NIM1K: variants seen among roughly 807,000 people sequenced by gnomAD.
NIM1K encodes NIM1 serine/threonine protein kinase, also known as serine/threonine-protein kinase NIM1.
A neutral mutation model predicts 37.1 loss-of-function variants in NIM1K; 35 were observed. The ratio of observed to expected loss-of-function variants is 0.94; its 90% CI spans 0.72 to 1.25. The LOEUF is 1.25. Among genes scored for constraint, NIM1K ranks in the 50% most tolerant of loss-of-function variants. The probability of loss-of-function intolerance (pLI) is 0.00; values close to 1 mark genes in which losing one functional copy is unlikely to be tolerated. For synonymous variants in NIM1K, 234 were observed against 206.6 expected, an observed-to-expected ratio of 1.13 and a Z score of -1.14; for missense variants, 564 against 548.0, an observed-to-expected ratio of 1.03 and a Z score of -0.29.
chr5:43,252,588 A>G (rs1752881189), intron 2 of NIM1K, among the ~76,000 whole-genome samples: 1 of 139,296 alleles, frequency 7.2e-6, no homozygotes, highest in African/African-American at 2.8e-5. Context: ...AAAAAAAAAA[A>G]TAAAGAAATA....
chr5:43,232,440 C>G (rs13169195), intron 1 of NIM1K: 65,162 of 1,466,682 alleles, frequency 0.044, 1,955 homozygotes, highest in Middle Eastern at 0.079. Context: ...AGGACTCCAT[C>G]AAATCTCAGG....
At chr5:43,219,150 GC>G (rs1460631358) in intron 1 of NIM1K, among the ~76,000 whole-genome samples, 1 of 152,092 alleles carries the variant, frequency 6.6e-6, no homozygotes, top group Non-Finnish European at 1.5e-5. Context: ...GGCCTCCCCA[GC>G]CCTGTGGAAC....
At chr5:43,196,708 C>A (rs1341219357) in intron 1 of NIM1K, among the ~76,000 whole-genome samples, 1 of 152,096 alleles carries the variant, frequency 6.6e-6, no homozygotes, top group African/African-American at 2.4e-5. Context: ...CAGAGGCAAT[C>A]ATTTTGAACT....
chr5:43,275,689 A>T (rs768479911), intron 2 of NIM1K, among the ~76,000 whole-genome samples: 2 of 152,224 alleles, frequency 1.3e-5, no homozygotes, highest in South Asian at 2.1e-4. Context: ...AAGGGAGGTG[A>T]CATCTACAGA....
chr5:43,203,774 C>T (rs1192115566), intron 1 of NIM1K, among the ~76,000 whole-genome samples: 2 of 151,986 alleles, frequency 1.3e-5, no homozygotes, highest in Admixed American at 1.3e-4. Flanking sequence ...GTCTGTAATC[C>T]CAGCACTTTG....
chr5:43,277,172 T>G lies in NIM1K; in HGVS notation c.408T>G (p.Leu136=). The G allele has an allele frequency of 6.2e-7, 1 of 1,614,058 alleles. No individual in the cohort carries two copies. The highest frequency in any genetic ancestry group is 8.5e-7 in the Non-Finnish European group (1 of 1,179,970). The change falls in exon 3 of 4, where the codon CTT becomes CTG. Residue 136 remains leucine (L), a synonymous_variant. Transcript: ENST00000326035. ...TGCACCATCCCAACATCATCCGCCTTTACGAAGTGGTGGAGACCCTATCCA... is the reference window on the plus strand; with the variant it reads ...TGCACCATCCCAACATCATCCGCCTGTACGAAGTGGTGGAGACCCTATCCA... ...EKLHHPNIIR[L]YEVVETLSKL...
In NIM1K at chr5:43,277,266, C is replaced by T; in HGVS notation, c.502C>T (p.Leu168Phe). 1.2e-6 allele frequency: 2 copies of T among 1,614,090 alleles called. No individual in the cohort carries two copies. The highest frequency in any genetic ancestry group is 1.6e-4 in the Middle Eastern group (1 of 6,062). ...CGGAAAAATTAGCACTGAGGGGAAG[C>T]TCTCTGAACCAGAAAGCAAGCTCAT... ...LFGKISTEGKLSEPESKLIFS... is the reference protein window; with the variant it reads ...LFGKISTEGKFSEPESKLIFS... The change falls in exon 3 of 4, where the codon CTC (leucine) becomes TTC (phenylalanine). Residue 168 changes from leucine to phenylalanine, a missense_variant. Coordinates refer to ENST00000326035, the MANE Select transcript of NIM1K (RefSeq NM_153361.4).
intron 1 of NIM1K, among the ~76,000 whole-genome samples, chr5:43,230,023 A>G (rs1328164199): frequency 6.6e-6 from 1 of 152,162 alleles, no homozygotes; most frequent in Non-Finnish European, 1.5e-5. Flanking sequence ...TACCAATTAC[A>G]TATAAATTTC....
intron 2 of NIM1K, among the ~76,000 whole-genome samples, chr5:43,259,886 C>G (rs1161742709): frequency 6.6e-6 from 1 of 151,700 alleles, no homozygotes; most frequent in Non-Finnish European, 1.5e-5. Context: ...AGAGTTTTTC[C>G]TGTTTTCTTC....
intron 1 of NIM1K, among the ~76,000 whole-genome samples, chr5:43,193,811 T>C (rs760619804): frequency 5.3e-5 from 8 of 152,180 alleles, no homozygotes; most frequent in Non-Finnish European, 1.0e-4. Flanking sequence ...CTGGTTGTCA[T>C]GGTTACTGAA....
At chr5:43,198,156 T>C (rs370484559) in intron 1 of NIM1K, among the ~76,000 whole-genome samples, 4 of 48,772 alleles carry the variant, frequency 8.2e-5, no homozygotes, top group East Asian at 6.0e-4. Flanking sequence ...TCTTTCTTTC[T>C]TTCTTTCTTT....
At position 43,277,014 on chromosome 5, in the gene NIM1K, C is replaced by T. The variant is rs942623747; in HGVS notation, c.293-43C>T. 2.5e-6 allele frequency: 4 copies of T among 1,599,096 alleles called. No individual in the cohort carries two copies. The African/African-American group carries it at 4.0e-5, about 16-fold the overall frequency. On this transcript the variant is annotated intron_variant, in intron 2 of 3. Coordinates refer to ENST00000326035, the MANE Select transcript of NIM1K (RefSeq NM_153361.4). ...CAGGTCCTCTCCAGTTCTAACTATG[C>T]TCCTGTGAATTCTGGCACAATTTTT...
chr5:43,278,599 T>G (rs1197614312), intron 3 of NIM1K, among the ~76,000 whole-genome samples: 1 of 152,106 alleles, frequency 6.6e-6, no homozygotes, highest in Admixed American at 6.6e-5. Context: ...TTGGCTAGGG[T>G]CTATATTAGT....
At chr5:43,227,082 C>T (rs562227851) in intron 1 of NIM1K, among the ~76,000 whole-genome samples, 7 of 152,292 alleles carry the variant, frequency 4.6e-5, no homozygotes, top group South Asian at 2.1e-4. Context: ...ATTGGTTCAC[C>T]GGGCGCAGTG....
rs1469678602 is a variant in NIM1K at position 43,223,654 on chromosome 5, A to C, written c.-694-21428A>C. Among the ~76,000 whole-genome samples the C allele has an allele frequency of 2.0e-5, 3 of 152,192 alleles. No homozygotes were observed. The East Asian group carries it at 5.8e-4, about 29-fold the overall frequency. On this transcript the variant is annotated intron_variant, in intron 1 of 3. Transcript: ENST00000326035. ...CCTTTTGTTAAATGATTACCATGGC[A>C]AAGAGCTGTTTTCTGCCTTTGAAAA...
intron 2 of NIM1K, among the ~76,000 whole-genome samples, chr5:43,261,678 C>T (rs1753032993): frequency 6.6e-6 from 1 of 151,980 alleles, no homozygotes; most frequent in Non-Finnish European, 1.5e-5. Context: ...ACATGAAGTC[C>T]TTGCCCATGC....
chr5:43,206,578 G>C (rs1752115706), intron 1 of NIM1K: 1 of 560,316 alleles, frequency 1.8e-6, no homozygotes. Context: ...GGTCTTGAAG[G>C]CTGAATAAGA....
At chr5:43,263,165 G>A (rs986588818) in intron 2 of NIM1K, among the ~76,000 whole-genome samples, 7 of 152,282 alleles carry the variant, frequency 4.6e-5, no homozygotes, top group Admixed American at 4.6e-4. Context: ...CTATTGATTG[G>A]AATAGTTTCA....
intron 2 of NIM1K, among the ~76,000 whole-genome samples, chr5:43,262,621 C>T (rs552023832): frequency 1.3e-5 from 2 of 152,162 alleles, no homozygotes; most frequent in East Asian, 1.9e-4. Flanking sequence ...CTTGATTGCC[C>T]TGGCCAGAAC....
Sources: allele counts gnomAD v4.1 joint callset (sites outside exome capture counted in the v4.1 genomes callset), GRCh38; gene constraint gnomAD v4.1.1; transcripts MANE v1.5; gene names NCBI Gene and HGNC (gene_info 2026-07-23, HGNC 2026-07-21).